The following MRO variants were observed in gnomAD, a reference collection of about 807,000 sequenced individuals.
The protein encoded by MRO is maestro.
MRO carries 28 observed loss-of-function variants against 31.0 expected under a neutral mutation model. That is an observed-to-expected ratio of 0.90 (90% confidence interval 0.67 to 1.24). The LOEUF (loss-of-function observed/expected upper bound fraction) is 1.24, where lower values mean the gene tolerates loss of function less well. Ranked by LOEUF, MRO falls within the 50% of genes most tolerant of loss-of-function variation. The pLI is 0.00. For synonymous variants in MRO, 108 were observed against 108.4 expected (o/e 1.00, Z 0.02); for missense variants, 332 against 289.2 (o/e 1.15, Z -1.07).
Position 50,809,370 on chromosome 18 carries a change from G to A in MRO, c.31C>T (p.Gln11Ter), listed in dbSNP as rs758308376. 5.6e-6 allele frequency: 9 copies of A among 1,613,564 alleles called. No homozygotes were observed. In the African/African-American group the frequency reaches 8.0e-5, roughly 14 times the overall value. ...TGGGAAGTAGGGATGGAAAGGGGCT[G>A]GCCCAGGATTCTCCTCTGTCTTTGG... is the stretch of plus-strand genomic sequence containing the variant. Reference protein sequence around the residue: MDQRQRRILGQPLSIPTSQPK... With the variant: MDQRQRRILG Residue 11 changes from glutamine to a stop codon, truncating the protein, a stop_gained, in exon 3 of 8, where the codon CAG becomes TAG. Transcript: ENST00000398439. LOFTEE classifies it high-confidence loss of function.
At chr18:50,800,919 AAAGGAAGGAAGGAAAG>A (rs1035081043) in intron 6 of MRO, among the ~76,000 whole-genome samples, 15 of 151,848 alleles carry the variant, frequency 9.9e-5, no homozygotes, top group South Asian at 2.1e-4. Context: ...ACGAAGGAAG[AAAGGAAGGAAGGAAAG>A]AAGGAAGGAA....
At chr18:50,805,445 C>A in intron 4 of MRO, 109 bp from the exon 5 acceptor site, 1 of 825,728 alleles carries the variant, frequency 1.2e-6, no homozygotes, top group Non-Finnish European at 1.9e-6. Flanking sequence ...ACTAACACAC[C>A]AGGGCTTTTT....
intron 6 of MRO, among the ~76,000 whole-genome samples, chr18:50,800,950 A>G (rs1913255541): frequency 6.6e-6 from 1 of 151,818 alleles, no homozygotes; most frequent in South Asian, 2.1e-4. Context: ...AAGGAAGGAA[A>G]GAAAAGAGAA....
chr18:50,799,446 C>G lies in MRO; in HGVS notation c.694-56G>C, dbSNP rs189579752. The stretch of plus-strand genomic sequence containing the variant: ...GGCAGGATTCAACAAACTTCCTTGA[C>G]AATGTAACTAGTAGGCAGTGATCAG... On this transcript the variant is annotated intron_variant, in intron 7 of 7. Transcript: ENST00000398439. 122 of 1,444,544 alleles carry G rather than the reference C, an allele frequency of 8.4e-5. No homozygotes were observed. The African/African-American group carries it at 1.5e-3, about 18-fold the overall frequency. The allele number at this position is 1,444,544 out of a possible 1,614,324, so 89.5% of individuals were successfully genotyped here. A position where few individuals can be genotyped will look rare whatever the true frequency, so the allele number is the denominator to read the frequency against.
chr18:50,803,290 G>A (rs190130631), intron 5 of MRO, among the ~76,000 whole-genome samples: 40 of 151,998 alleles, frequency 2.6e-4, no homozygotes, highest in Non-Finnish European at 4.4e-4. Flanking sequence ...CAGGAGAATC[G>A]CTTGAGCCCG....
upstream of MRO, chr18:50,820,149 CT>C: frequency 1.6e-6 from 1 of 613,648 alleles, no homozygotes; most frequent in Non-Finnish European, 2.9e-6. Context: ...TGGCTGCCTC[CT>C]TCCTTACATA....
chr18:50,803,073 G>T (rs1412137692), intron 5 of MRO, among the ~76,000 whole-genome samples: 1 of 152,118 alleles, frequency 6.6e-6, no homozygotes, highest in Non-Finnish European at 1.5e-5. Context: ...CACACGCACG[G>T]GTGAGCTTCA....
At chr18:50,800,477 A>G (rs1322783583) in intron 6 of MRO, among the ~76,000 whole-genome samples, 1 of 152,214 alleles carries the variant, frequency 6.6e-6, no homozygotes, top group Non-Finnish European at 1.5e-5. Context: ...TTTGCTCCCA[A>G]TTGTTTTGAA....
rs189334942 is a variant in MRO at position 50,812,338 on chromosome 18, C to G, written c.-4-2934G>C. On this transcript the variant is annotated intron_variant, in intron 2 of 7. Transcript: ENST00000398439. ...TCTTTGGAGAAATTTCCATTCAAATCCTTTGCTCATTGTCAGTTGGGTTGT... is the reference window on the plus strand; with the variant it reads ...TCTTTGGAGAAATTTCCATTCAAATGCTTTGCTCATTGTCAGTTGGGTTGT... Among the ~76,000 whole-genome samples, 203 of 152,146 alleles carry G rather than the reference C, an allele frequency of 1.3e-3. 1 individual carries two copies. The highest frequency in any genetic ancestry group is 4.0e-4 in the Non-Finnish European group (27 of 67,998).
intron 1 of MRO, among the ~76,000 whole-genome samples, chr18:50,825,068 C>T (rs1915466321): frequency 7.9e-6 from 1 of 126,192 alleles, no homozygotes; most frequent in African/African-American, 2.8e-5. Flanking sequence ...GAGCAAGATT[C>T]CATCTTAAAA....
At chr18:50,821,523 A>G (rs569689833), upstream of MRO, among the ~76,000 whole-genome samples, 4 of 152,346 alleles carry the variant, frequency 2.6e-5, no homozygotes, top group South Asian at 8.3e-4. Context: ...CAAAAAGGTA[A>G]TAAGATTATC....
rs578165909 is a variant in MRO at position 50,803,245 on chromosome 18, C to T, written c.430-1741G>A. 2.2e-4 allele frequency among the ~76,000 whole-genome samples: 33 copies of T among 152,282 alleles called. 1 individual carries two copies. The highest frequency in any genetic ancestry group is 4.8e-4 in the African/African-American group (20 of 41,562). The stretch of plus-strand genomic sequence containing the variant: ...ATGGTTGAAGGCCAGACACATGTCT[C>T]ATGCCTGAAATCCCAGCCCTTTGGG... On this transcript the variant is annotated intron_variant, in intron 5 of 7. Coordinates refer to ENST00000398439, the MANE Select transcript of MRO (RefSeq NM_031939.6).
chr18:50,823,896 G>C (rs954866726), upstream of MRO: 14 of 187,652 alleles, frequency 7.5e-5, no homozygotes, highest in Non-Finnish European at 1.6e-4. Context: ...TCAGGGTTTA[G>C]AGGTAGATTC....
chr18:50,803,368 A>G (rs60612271), intron 5 of MRO, among the ~76,000 whole-genome samples: 47,278 of 151,718 alleles, frequency 0.31, 7,603 homozygotes, highest in Middle Eastern at 0.37. Flanking sequence ...TTAGCCAGGC[A>G]CAGTGGCATG....
intron 6 of MRO, among the ~76,000 whole-genome samples, chr18:50,800,533 C>A (rs1002781717): frequency 7.2e-5 from 11 of 152,200 alleles, no homozygotes; most frequent in Non-Finnish European, 1.3e-4. Context: ...GTTGATCCAA[C>A]CTTGTTGGGA....
At chr18:50,809,248 C>A in intron 3 of MRO, 54 bp downstream of exon 3, 2 of 1,373,786 alleles carry the variant, frequency 1.5e-6, no homozygotes, top group East Asian at 2.6e-5. Flanking sequence ...AAACATACAT[C>A]TTACAAAACA....
At chr18:50,801,076 C>T (rs1913266177) in intron 6 of MRO, among the ~76,000 whole-genome samples, 1 of 152,124 alleles carries the variant, frequency 6.6e-6, no homozygotes, top group Admixed American at 6.5e-5. Flanking sequence ...ATTGATTAAA[C>T]CTGTGCCTCT....
rs61728184 is a variant in MRO at position 50,809,144 on chromosome 18, C to CAAAAAAAAAAAAA, written c.99+145_99+157dup. ...TGGGCGACAGAGCGAGACTCCGTCT[C>CAAAAAAAAAAAAA]AAAAAAAAAAAAAAAAAAAAAAAAA... On this transcript the variant is annotated intron_variant, in intron 3 of 7. Coordinates refer to ENST00000398439, the MANE Select transcript of MRO (RefSeq NM_031939.6). Among the ~76,000 whole-genome samples, 131 of 99,082 alleles carry CAAAAAAAAAAAAA rather than the reference C, an allele frequency of 1.3e-3. 13 individuals carry two copies. The highest frequency in any genetic ancestry group is 1.8e-3 in the Non-Finnish European group (95 of 52,062). 65.0% of individuals were successfully genotyped at this position (99,082 alleles called of 152,430 possible).
chr18:50,796,000 C>A lies in MRO; in HGVS notation c.*3337G>T, dbSNP rs566035629. 35 of 152,274 alleles carry A rather than the reference C, an allele frequency of 2.3e-4. No homozygotes were observed. The highest frequency in any genetic ancestry group is 1.8e-3 in the Admixed American group (28 of 15,296). The allele number at this position is 152,274 out of a possible 1,614,324, so 9.4% of individuals were successfully genotyped here. A position where few individuals can be genotyped will look rare whatever the true frequency, so the allele number is the denominator to read the frequency against. Reference sequence around the variant, plus strand: ...GAGCACCAGAGACACAGGGACCAAGCAAAGCTCTACCCTGGGCACTTAGCA... The same window carrying A: ...GAGCACCAGAGACACAGGGACCAAGAAAAGCTCTACCCTGGGCACTTAGCA... On this transcript the variant is annotated 3_prime_UTR_variant, in exon 8 of 8. Transcript: ENST00000398439.
Sources: allele counts gnomAD v4.1 joint callset (sites outside exome capture counted in the v4.1 genomes callset), GRCh38; gene constraint gnomAD v4.1.1; transcripts MANE v1.5; gene names NCBI Gene and HGNC (gene_info 2026-07-23, HGNC 2026-07-21).